The following RERE variants were observed in gnomAD, a reference collection of about 807,000 sequenced individuals.
RERE encodes the protein arginine-glutamic acid dipeptide repeats.
In RERE, 40 loss-of-function variants were observed where a neutral mutation model predicts 146.1. The ratio of observed to expected loss-of-function variants is 0.27; its 90% confidence interval spans 0.21 to 0.36. The LOEUF is 0.36. RERE is among the 10% of genes least tolerant of loss of function. RERE has a pLI of 1.00. For synonymous variants in RERE, 1,003 were observed against 866.0 expected (o/e 1.16, Z -2.78); for missense variants, 1,933 against 2,138.7 (o/e 0.90, Z 1.90).
chr1:8,701,044 T>C (rs1639434502), intron 1 of RERE, among the ~76,000 whole-genome samples: 1 of 151,974 alleles, frequency 6.6e-6, no homozygotes, highest in Admixed American at 6.6e-5. Context: ...ACCAGTCAAG[T>C]CCATAAAACC....
intron 11 of RERE, among the ~76,000 whole-genome samples, chr1:8,432,907 A>C (rs1461971157): frequency 6.6e-6 from 1 of 152,230 alleles, no homozygotes; most frequent in Non-Finnish European, 1.5e-5. Flanking sequence ...ACACTGTTTT[A>C]TATCTATTCA....
chr1:8,709,488 G>T (rs1639625697), intron 1 of RERE, among the ~76,000 whole-genome samples: 1 of 151,990 alleles, frequency 6.6e-6, no homozygotes, highest in Non-Finnish European at 1.5e-5. Flanking sequence ...CAGGCTGAAG[G>T]TTTACCAGGC....
intron 4 of RERE, among the ~76,000 whole-genome samples, chr1:8,601,303 C>A (rs1646622391): frequency 6.6e-6 from 1 of 152,120 alleles, no homozygotes; most frequent in African/African-American, 2.4e-5. Context: ...CAGGGATGAG[C>A]CACCATGCCT....
At chr1:8,608,660 C>A (rs1646752068) in intron 4 of RERE, among the ~76,000 whole-genome samples, 1 of 152,130 alleles carries the variant, frequency 6.6e-6, no homozygotes, top group Non-Finnish European at 1.5e-5. Flanking sequence ...CTAATATATG[C>A]CTATGGAAAC....
intron 1 of RERE, among the ~76,000 whole-genome samples, chr1:8,791,974 T>A (rs1459875276): frequency 6.6e-6 from 1 of 152,106 alleles, no homozygotes; most frequent in African/African-American, 2.4e-5. Flanking sequence ...ACACCTGTAA[T>A]CCTAATACTT....
intron 2 of RERE, among the ~76,000 whole-genome samples, chr1:8,630,184 T>C (rs1051274899): frequency 6.6e-6 from 1 of 152,152 alleles, no homozygotes; most frequent in South Asian, 2.1e-4. Flanking sequence ...TATGTGTGTG[T>C]GCATGCTGGA....
chr1:8,795,691 G>C (rs919511582), intron 1 of RERE, among the ~76,000 whole-genome samples: 3 of 151,818 alleles, frequency 2.0e-5, no homozygotes, highest in Non-Finnish European at 4.4e-5. Context: ...AGAAGAAACA[G>C]GAATTACATG....
chr1:8,660,015 G>C (rs1397183530), intron 1 of RERE, among the ~76,000 whole-genome samples: 1 of 151,720 alleles, frequency 6.6e-6, no homozygotes, highest in East Asian at 1.9e-4. Flanking sequence ...TCTGAAAGTT[G>C]GCTCTATTTA....
intron 6 of RERE, among the ~76,000 whole-genome samples, chr1:8,550,962 G>C (rs1376260019): frequency 2.0e-5 from 3 of 152,184 alleles, no homozygotes; most frequent in Non-Finnish European, 4.4e-5. Context: ...ACAAAGTAGG[G>C]AGATAAATTA....
chr1:8,619,154 G>A (rs1158385090), intron 3 of RERE, among the ~76,000 whole-genome samples: 1 of 152,178 alleles, frequency 6.6e-6, no homozygotes, highest in African/African-American at 2.4e-5. Context: ...TGCATCCTTA[G>A]CTATTCCACA....
chr1:8,411,908 A>G (rs12094354), intron 12 of RERE, among the ~76,000 whole-genome samples: 75 of 152,218 alleles, frequency 4.9e-4, no homozygotes, highest in African/African-American at 1.8e-3. Context: ...ACTTAATCCT[A>G]TTGTTCCACA....
intron 1 of RERE, among the ~76,000 whole-genome samples, chr1:8,770,874 A>G (rs1289427004): frequency 6.6e-6 from 1 of 152,228 alleles, no homozygotes; most frequent in Non-Finnish European, 1.5e-5. Flanking sequence ...AACCGGAGGC[A>G]GTCTAAACAT....
intron 11 of RERE, among the ~76,000 whole-genome samples, chr1:8,449,470 C>T (rs774571459): frequency 1.5e-4 from 23 of 152,170 alleles, no homozygotes; most frequent in African/African-American, 4.3e-4. Flanking sequence ...AAGAACCAGA[C>T]CTTTCTCTTC....
chr1:8,816,313 T>C (rs375373047), intron 1 of RERE, among the ~76,000 whole-genome samples: 4 of 152,166 alleles, frequency 2.6e-5, no homozygotes, highest in African/African-American at 9.7e-5. Context: ...AAATGTACCT[T>C]AAAAAAGCAA....
chr1:8,467,344 T>C (rs1474998688), intron 10 of RERE, among the ~76,000 whole-genome samples: 1 of 152,158 alleles, frequency 6.6e-6, no homozygotes, highest in Non-Finnish European at 1.5e-5. Flanking sequence ...ATACAAAACA[T>C]ACAAAATGAC....
intron 10 of RERE, among the ~76,000 whole-genome samples, chr1:8,481,046 G>A (rs1164782779): frequency 1.3e-5 from 2 of 152,230 alleles, no homozygotes; most frequent in African/African-American, 2.4e-5. Flanking sequence ...GGAAGGAGAT[G>A]CAGGAAAAGC....
chr1:8,607,447 C>A lies in RERE; in HGVS notation c.522+7114G>T, dbSNP rs963483188. ...TAGAATAAGTAAAACCACAAGCTTA[C>A]TTCCATGGCCTGAAATGTCTTTGGC... On this transcript the variant is annotated intron_variant, in intron 4 of 22. Transcript: ENST00000400908. 2.7e-5 allele frequency among the ~76,000 whole-genome samples: 4 copies of A among 149,498 alleles called. No individual in the cohort carries two copies. In the East Asian group the frequency reaches 7.9e-4, roughly 29 times the overall value.
chr1:8,640,971 A>G (rs776669481), intron 2 of RERE, among the ~76,000 whole-genome samples: 1 of 152,252 alleles, frequency 6.6e-6, no homozygotes, highest in African/African-American at 2.4e-5. Context: ...ACTTTTTAAA[A>G]CAACAAATCA....
At position 8,654,951 on chromosome 1, in the gene RERE, A is replaced by G. The variant is rs547206536; in HGVS notation, c.325+1022T>C. 5.9e-5 allele frequency among the ~76,000 whole-genome samples: 9 copies of G among 152,266 alleles called. No individual in the cohort carries two copies. In the South Asian group the frequency reaches 1.5e-3, roughly 25 times the overall value. On this transcript the variant is annotated intron_variant, in intron 2 of 22. Coordinates refer to ENST00000400908, the MANE Select transcript of RERE (RefSeq NM_001042681.2). ...TAAAAAAGGTGTCTTAATACACACA[A>G]TACATCAAATGAAAAGGAAAGGCTT... is the stretch of plus-strand genomic sequence containing the variant.
Sources: allele counts gnomAD v4.1 joint callset (sites outside exome capture counted in the v4.1 genomes callset), GRCh38; gene constraint gnomAD v4.1.1; transcripts MANE v1.5; gene names NCBI Gene and HGNC (gene_info 2026-07-23, HGNC 2026-07-21).